Variants in DBH observed in about 807,000 individuals in gnomAD.
DBH encodes dopamine beta-hydroxylase, also known as dopamine beta-hydroxylase (dopamine beta-monooxygenase).
Under a neutral mutation model 64.0 loss-of-function variants are expected in DBH, and 49 were observed. The ratio of observed to expected loss-of-function variants is 0.77; its 90% CI spans 0.61 to 0.97. The LOEUF (loss-of-function observed/expected upper bound fraction) is 0.97, where lower values mean the gene tolerates loss of function less well. Among genes scored for constraint, DBH ranks in the 50% least tolerant of loss-of-function variants. DBH has a pLI of 0.00. For synonymous variants in DBH, 343 were observed against 347.1 expected (o/e 0.99, Z 0.13); for missense variants, 828 against 826.6 (o/e 1.00, Z -0.02).
intron 3 of DBH, 36 bp downstream of exon 3, chr9:133,642,500 C>A (rs767926617): frequency 1.3e-6 from 2 of 1,573,714 alleles, no homozygotes; most frequent in Non-Finnish European, 1.7e-6. Context: ...CCTCGCCCAG[C>A]CCTGCCTTCC....
chr9:133,657,427 G>T, intron 11 of DBH, 198 bp downstream of exon 11: 1 of 420,442 alleles, frequency 2.4e-6, no homozygotes, highest in Non-Finnish European at 4.2e-6. Context: ...AGAGAGAGGA[G>T]AGAGAGGAGA....
At chr9:133,640,084 G>C in intron 2 of DBH, 92 bp downstream of exon 2, 1 of 1,536,524 alleles carries the variant, frequency 6.5e-7, no homozygotes. Flanking sequence ...TCCTGTCCCT[G>C]ATAAGTCTGG....
intron 1 of DBH, among the ~76,000 whole-genome samples, chr9:133,637,898 CTG>C: frequency 6.6e-6 from 1 of 152,366 alleles, no homozygotes; most frequent in Middle Eastern, 3.4e-3. Flanking sequence ...CAAAGACACT[CTG>C]TGGCTCAGGT....
chr9:133,657,445 GA>G, intron 11 of DBH: 3 of 524,020 alleles, frequency 5.7e-6, no homozygotes, highest in African/African-American at 2.6e-5. Context: ...AGAGAGAGGA[GA>G]GAGAGGAGAG....
intron 7 of DBH, among the ~76,000 whole-genome samples, chr9:133,652,007 C>T (rs559958596): frequency 6.6e-6 from 1 of 152,108 alleles, no homozygotes; most frequent in Non-Finnish European, 1.5e-5. Flanking sequence ...TTCGGGAGAC[C>T]CAGGCGGCCC....
In DBH at chr9:133,657,140, A is replaced by T; in HGVS notation, c.1633A>T (p.Asn545Tyr). ...TCAGCAGTTCACCTCTGTTCCCTGG[A>T]ACTCCTTCAACCGCGACGTACTGAA... ...VSQQFTSVPWNSFNRDVLKAL... is the reference protein window; with the variant it reads ...VSQQFTSVPWYSFNRDVLKAL... Residue 545 changes from asparagine to tyrosine, a missense_variant, in exon 11 of 12, where the codon AAC becomes TAC. Physicochemically the swap from Asn to Tyr is moderately radical, Grantham distance 143 (BLOSUM62 -2). Coordinates refer to ENST00000393056, the MANE Select transcript of DBH (RefSeq NM_000787.4). The T allele has an allele frequency of 1.9e-6, 3 of 1,614,058 alleles. No homozygotes were observed. The highest frequency in any genetic ancestry group is 2.5e-6 in the Non-Finnish European group (3 of 1,179,998).
At chr9:133,638,311 G>C (rs888056829) in intron 1 of DBH, among the ~76,000 whole-genome samples, 2 of 152,204 alleles carry the variant, frequency 1.3e-5, no homozygotes, top group Non-Finnish European at 2.9e-5. Context: ...TCCCCAGCGG[G>C]GTTGCATTGT....
intron 6 of DBH, among the ~76,000 whole-genome samples, chr9:133,649,912 G>C (rs1487148945): frequency 6.6e-6 from 1 of 152,244 alleles, no homozygotes; most frequent in Non-Finnish European, 1.5e-5. Context: ...TTAAGTAACA[G>C]AATGAGAATG....
intron 3 of DBH, 71 bp downstream of exon 3, chr9:133,642,535 C>T: frequency 6.5e-7 from 1 of 1,530,654 alleles, no homozygotes; most frequent in Admixed American, 1.9e-5. Flanking sequence ...TGTCCCTGAC[C>T]CTGGAGAGCT....
At position 133,643,407 on chromosome 9, in the gene DBH, TCA is replaced by T; in HGVS notation, c.745-3_745-2del. On this transcript the variant is annotated splice_polypyrimidine_tract_variant and splice_region_variant and intron_variant, in intron 3 of 11. Transcript: ENST00000393056. This position sits in a 1 kb window ranked among gnomAD's most constrained non-coding sequence, Gnocchi z 5.3. ...TTCCCGGGCTCAGAGGGCTGCCTCC[TCA>T]CAGTACGAGCCCATCGTCACCAAGG... is the stretch of plus-strand genomic sequence containing the variant. The T allele has an allele frequency of 6.2e-7, 1 of 1,613,638 alleles. No individual in the cohort carries two copies. Among genetic ancestry groups the T allele is most frequent in the Middle Eastern group, 1.6e-4 (1 of 6,062 alleles).
Position 133,647,832 on chromosome 9 carries a change from C to T in DBH, c.1025-14C>T. On this transcript the variant is annotated splice_polypyrimidine_tract_variant and intron_variant, in intron 5 of 11. Transcript: ENST00000393056. ...CACTTACCGCTCACCTCCATCCATC[C>T]CACCTTCTCCCAGGACGAAACGACT... is the stretch of plus-strand genomic sequence containing the variant. The T allele has an allele frequency of 6.2e-7, 1 of 1,614,152 alleles. No homozygotes were observed. The highest frequency in any genetic ancestry group is 1.1e-5 in the South Asian group (1 of 91,074).
chr9:133,641,450 G>A (rs1227676166), intron 2 of DBH, among the ~76,000 whole-genome samples: 1 of 152,236 alleles, frequency 6.6e-6, no homozygotes, highest in African/African-American at 2.4e-5. Context: ...AGGTATAGGG[G>A]CCTTTGCCTG....
intron 8 of DBH, among the ~76,000 whole-genome samples, chr9:133,652,622 C>T (rs1832264698): frequency 6.6e-6 from 1 of 152,150 alleles, no homozygotes; most frequent in Non-Finnish European, 1.5e-5. Context: ...CCACAGAGGG[C>T]CAAGCCCAGG....
In DBH at chr9:133,657,070, G is replaced by T. The variant is rs777939539; in HGVS notation, c.1563G>T (p.Arg521Ser). 2 of 1,613,862 alleles carry T rather than the reference G, an allele frequency of 1.2e-6. No homozygotes were observed. The highest frequency in any genetic ancestry group is 1.1e-5 in the South Asian group (1 of 91,084). The change falls in exon 11 of 12, where the codon AGG (arginine) becomes AGT (serine). Residue 521 changes from arginine to serine, a missense_variant and splice_region_variant. Arg to Ser is a moderately radical substitution (Grantham distance 110, BLOSUM62 -1). Coordinates refer to ENST00000393056, the MANE Select transcript of DBH (RefSeq NM_000787.4). ...FLQKYFHLINRFNNEDVCTCP... is the reference protein window; with the variant it reads ...FLQKYFHLINSFNNEDVCTCP... The stretch of plus-strand genomic sequence containing the variant: ...CCTGGCTGTTCCTTGTCCCCACCAG[G>T]TTCAACAACGAGGATGTCTGCACCT...
chr9:133,649,828 G>A (rs549779055), intron 6 of DBH, among the ~76,000 whole-genome samples: 23 of 152,336 alleles, frequency 1.5e-4, no homozygotes, highest in African/African-American at 2.2e-4. Flanking sequence ...CCCGCTGACC[G>A]CTGACTGTGA....
chr9:133,643,338 G>T lies in DBH; in HGVS notation c.745-75G>T. 1.4e-6 allele frequency: 2 copies of T among 1,469,252 alleles called. No individual in the cohort carries two copies. Among genetic ancestry groups the T allele is most frequent in the South Asian group, 2.3e-5 (2 of 86,294 alleles). The allele number at this position is 1,469,252 out of a possible 1,614,324, so 91.0% of individuals were successfully genotyped here. A position where few individuals can be genotyped will look rare whatever the true frequency, so the allele number is the denominator to read the frequency against. ...CCATTTTACAGATGGGCATTCGGAAGCCCATGGAGGAGGGCTGCTGGGGAG... is the reference window on the plus strand; with the variant it reads ...CCATTTTACAGATGGGCATTCGGAATCCCATGGAGGAGGGCTGCTGGGGAG... On this transcript the variant is annotated intron_variant, in intron 3 of 11. Coordinates refer to ENST00000393056, the MANE Select transcript of DBH (RefSeq NM_000787.4). This position sits in a 1 kb window ranked among gnomAD's most constrained non-coding sequence, Gnocchi z 5.3.
chr9:133,657,450 A>AG, intron 11 of DBH: 1 of 91,440 alleles, frequency 1.1e-5, no homozygotes, highest in East Asian at 2.0e-4. Flanking sequence ...GAGGAGAGAG[A>AG]GGAGAGAGGG....
rs13306306 is a variant in DBH at position 133,636,417 on chromosome 9, C to A, written c.46C>A (p.Arg16=). The stretch of plus-strand genomic sequence containing the variant: ...GGCCAGCCTGCCCGGCCCCAGCATG[C>A]GGGAGGCAGCCTTCATGTACAGCAC... ...RWASLPGPSM[R]EAAFMYSTAV... is the part of the protein sequence containing the mutation. The change falls in exon 1 of 12, where the codon CGG becomes AGG. Residue 16 remains arginine (R), a synonymous_variant. Transcript: ENST00000393056. 4 of 1,612,140 alleles carry A rather than the reference C, an allele frequency of 2.5e-6. No individual in the cohort carries two copies. The highest frequency in any genetic ancestry group is 3.4e-6 in the Non-Finnish European group (4 of 1,179,940).
rs1381096496 is a variant in DBH at position 133,636,432 on chromosome 9, A to G, written c.61A>G (p.Met21Val). The change falls in exon 1 of 12, where the codon ATG (methionine) becomes GTG (valine). Residue 21 changes from methionine to valine, a missense_variant. Physicochemically the swap from Met to Val is conservative, Grantham distance 21. Transcript: ENST00000393056. ...CCCCAGCATGCGGGAGGCAGCCTTCATGTACAGCACAGCAGTGGCCATCTT... is the reference window on the plus strand; with the variant it reads ...CCCCAGCATGCGGGAGGCAGCCTTCGTGTACAGCACAGCAGTGGCCATCTT... ...PGPSMREAAFMYSTAVAIFLV... is the reference protein window; with the variant it reads ...PGPSMREAAFVYSTAVAIFLV... 6.2e-7 allele frequency: 1 copy of G among 1,612,834 alleles called. No individual in the cohort carries two copies.
Sources: allele counts gnomAD v4.1 joint callset (sites outside exome capture counted in the v4.1 genomes callset), GRCh38; gene constraint gnomAD v4.1.1; non-coding constraint Gnocchi (gnomAD v3.1); transcripts MANE v1.5; gene names NCBI Gene and HGNC (gene_info 2026-07-23, HGNC 2026-07-21).